The following ACOT11 variants were observed in gnomAD, a reference collection of about 807,000 sequenced individuals.
The protein encoded by ACOT11 is acyl-coenzyme A thioesterase 11.
Under a neutral mutation model 77.5 loss-of-function variants are expected in ACOT11, and 69 were observed. The observed-to-expected ratio is 0.89, with a 90% CI of 0.73 to 1.09. ACOT11 has a LOEUF of 1.09. Among genes scored for constraint, ACOT11 ranks in the 50% least tolerant of loss-of-function variants. The pLI is 0.00. For missense variants in ACOT11, 766 were observed against 813.7 expected (o/e 0.94, Z 0.71); for synonymous variants, 279 against 313.0 (o/e 0.89, Z 1.15).
rs912984611 is a variant in ACOT11, at chr1:54,601,513, T to G, written c.1029+100T>G. The G allele has an allele frequency of 9.3e-6, 14 of 1,510,404 alleles. No homozygotes were observed. In the African/African-American group the frequency reaches 1.5e-4, roughly 16 times the overall value. The allele number at this position is 1,510,404 out of a possible 1,614,324, so 93.6% of individuals were successfully genotyped here. A position where few individuals can be genotyped will look rare whatever the true frequency, so the allele number is the denominator to read the frequency against. On this transcript the variant is annotated intron_variant, in intron 9 of 15. Transcript: ENST00000343744. ...CCAGCCCCCTACAGACCTAGAGGCG[T>G]GAGGGGCCCACCCTACCCCCGTGCT... is the stretch of plus-strand genomic sequence containing the variant.
chr1:54,585,877 A>G lies in ACOT11; in HGVS notation c.284A>G (p.Asp95Gly), dbSNP rs1445550223. The G allele has an allele frequency of 1.2e-6, 2 of 1,613,890 alleles. No individual in the cohort carries two copies. Among genetic ancestry groups the G allele is most frequent in the Non-Finnish European group, 1.7e-6 (2 of 1,179,992 alleles). Residue 95 changes from aspartate to glycine, a missense_variant, in exon 3 of 16, where the codon GAT (aspartate) becomes GGT (glycine). Physicochemically the swap from Asp to Gly is moderately conservative, Grantham distance 94. Coordinates refer to ENST00000343744, the MANE Select transcript of ACOT11 (RefSeq NM_147161.4). ...TGCCCCTGTGTCACAGCTTCCATGG[A>G]TGACATCTATTTTGAGCACACCATT... is the stretch of plus-strand genomic sequence containing the variant. ...AGCPCVTASM[D>G]DIYFEHTISV...
chr1:54,594,909 G>T (rs989569986), intron 6 of ACOT11, among the ~76,000 whole-genome samples: 8 of 152,220 alleles, frequency 5.3e-5, no homozygotes, highest in Admixed American at 3.9e-4. Context: ...TGAAGCTGCC[G>T]TTAGGTCATG....
At chr1:54,571,383 C>A (rs1653925946) in intron 1 of ACOT11, among the ~76,000 whole-genome samples, 1 of 152,146 alleles carries the variant, frequency 6.6e-6, no homozygotes, top group Non-Finnish European at 1.5e-5. Flanking sequence ...GGAATTGGAA[C>A]AGGTCTGATA....
At chr1:54,627,175 C>A (rs1423719616) in intron 15 of ACOT11, among the ~76,000 whole-genome samples, 2 of 135,044 alleles carry the variant, frequency 1.5e-5, no homozygotes, top group African/African-American at 2.5e-5. Flanking sequence ...CATTCTTATG[C>A]CCCTTTTTCA....
chr1:54,631,543 A>G (rs548102224), intron 16 of ACOT11, among the ~76,000 whole-genome samples: 32 of 152,302 alleles, frequency 2.1e-4, no homozygotes, highest in Middle Eastern at 6.8e-3. Context: ...GGTTGCTCGC[A>G]ATGCCCAGGT....
At chr1:54,613,751 A>G (rs1031930430), downstream of ACOT11, among the ~76,000 whole-genome samples, 4 of 152,230 alleles carry the variant, frequency 2.6e-5, no homozygotes, top group Admixed American at 2.0e-4. Context: ...AAGACAGGTC[A>G]TATTTATCTT....
At chr1:54,587,981 G>A (rs1465222167) in intron 3 of ACOT11, among the ~76,000 whole-genome samples, 1 of 152,160 alleles carries the variant, frequency 6.6e-6, no homozygotes, top group Non-Finnish European at 1.5e-5. Flanking sequence ...GGGAGGCCAA[G>A]GCAGGCAGAT....
At chr1:54,570,808 G>A (rs890208332) in intron 1 of ACOT11, among the ~76,000 whole-genome samples, 1 of 151,994 alleles carries the variant, frequency 6.6e-6, no homozygotes, top group East Asian at 1.9e-4. Context: ...AGCCTACCGA[G>A]TAGCTGGGAT....
chr1:54,584,968 C>T lies in ACOT11; in HGVS notation c.241+106C>T, dbSNP rs1654447269. 5 of 1,243,642 alleles carry T rather than the reference C, an allele frequency of 4.0e-6. No individual in the cohort carries two copies. The highest frequency in any genetic ancestry group is 1.5e-5 in the South Asian group (1 of 68,800). 77.0% of individuals were successfully genotyped at this position (1,243,642 alleles called of 1,614,324 possible). A position where few individuals can be genotyped will look rare whatever the true frequency, so the allele number is the denominator to read the frequency against. ...CACCCTAAGTGCCACACTTGTTTCT[C>T]ATCTTGGCCTTTGCTCATGCTGGTC... On this transcript the variant is annotated intron_variant, in intron 2 of 15. Coordinates refer to ENST00000343744, the MANE Select transcript of ACOT11 (RefSeq NM_147161.4). This position sits in a 1 kb window ranked among gnomAD's most constrained non-coding sequence, Gnocchi z 6.3.
At chr1:54,614,045 T>G (rs1644145571), downstream of ACOT11, among the ~76,000 whole-genome samples, 1 of 152,316 alleles carries the variant, frequency 6.6e-6, no homozygotes, top group South Asian at 2.1e-4. Context: ...CTTAAAACAG[T>G]TCTGGGACAC....
At chr1:54,577,553 C>T (rs1175102989) in intron 1 of ACOT11, among the ~76,000 whole-genome samples, 2 of 21,906 alleles carry the variant, frequency 9.1e-5, no homozygotes, top group Non-Finnish European at 1.7e-4. Flanking sequence ...ATATATATTA[C>T]AATTTATTCA....
At position 54,607,256 on chromosome 1, in the gene ACOT11, G is replaced by T. The variant is rs754546125; in HGVS notation, c.1493G>T (p.Cys498Phe). The T allele has an allele frequency of 6.2e-7, 1 of 1,614,130 alleles. No homozygotes were observed. The highest frequency in any genetic ancestry group is 2.2e-5 in the East Asian group (1 of 44,880). Residue 498 changes from cysteine (C) to phenylalanine (F), a missense_variant, in exon 14 of 16, where the codon TGT becomes TTT. By Grantham distance (205) the Cys-to-Phe change is radical. Coordinates refer to ENST00000343744, the MANE Select transcript of ACOT11 (RefSeq NM_147161.4). This position sits in a 1 kb window ranked among gnomAD's most constrained non-coding sequence, Gnocchi z 4.5. ...FVILASRRKP[C>F]DNGDPYVIAL... Reference sequence around the variant, plus strand: ...ATCCTGGCCTCGAGGCGGAAGCCTTGTGACAATGGGTGTGTGCCTATCTGC... The same window carrying T: ...ATCCTGGCCTCGAGGCGGAAGCCTTTTGACAATGGGTGTGTGCCTATCTGC...
At chr1:54,597,480 C>T in intron 7 of ACOT11, 65 bp downstream of exon 7, 7 of 1,508,650 alleles carry the variant, frequency 4.6e-6, no homozygotes, top group Non-Finnish European at 6.2e-6. Context: ...TGGCTACCTC[C>T]CTCTGGAGGG....
At chr1:54,604,984 G>C (rs61212842) in intron 12 of ACOT11, 92 bp from the exon 13 acceptor site, 25,319 of 1,389,350 alleles carry the variant, frequency 0.018, 336 homozygotes, top group East Asian at 0.054. Context: ...CAGCAAGTCA[G>C]CTGTAGCCCT....
intron 3 of ACOT11, among the ~76,000 whole-genome samples, chr1:54,591,984 C>T (rs902451959): frequency 6.6e-6 from 1 of 152,160 alleles, no homozygotes; most frequent in South Asian, 2.1e-4. Flanking sequence ...AGCATCTTGC[C>T]CTTACCAGGC....
At chr1:54,606,565 C>T (rs961459220) in intron 13 of ACOT11, among the ~76,000 whole-genome samples, 1 of 152,188 alleles carries the variant, frequency 6.6e-6, no homozygotes, top group Non-Finnish European at 1.5e-5. Flanking sequence ...GGACACACCC[C>T]AGCCCTGCTT....
intron 1 of ACOT11, among the ~76,000 whole-genome samples, chr1:54,553,989 C>T (rs939979186): frequency 4.6e-5 from 7 of 152,026 alleles, no homozygotes; most frequent in Non-Finnish European, 1.0e-4. Flanking sequence ...GCCTGGGCAA[C>T]ATGGCAAAAC....
intron 1 of ACOT11, among the ~76,000 whole-genome samples, chr1:54,568,924 G>A (rs1653836825): frequency 6.6e-6 from 1 of 151,466 alleles, no homozygotes; most frequent in African/African-American, 2.4e-5. Context: ...TGGGCAACAT[G>A]GCAAGACCCC....
downstream of ACOT11, among the ~76,000 whole-genome samples, chr1:54,614,343 T>C (rs545882198): frequency 2.6e-4 from 39 of 152,172 alleles, no homozygotes; most frequent in Non-Finnish European, 5.1e-4. Flanking sequence ...CTTGGCCCTG[T>C]CTGCCCTCCA....
Sources: allele counts gnomAD v4.1 joint callset (sites outside exome capture counted in the v4.1 genomes callset), GRCh38; gene constraint gnomAD v4.1.1; non-coding constraint Gnocchi (gnomAD v3.1); transcripts MANE v1.5; gene names NCBI Gene and HGNC (gene_info 2026-07-23, HGNC 2026-07-21).